RIMS2: variants seen among roughly 807,000 people sequenced by gnomAD.
The protein encoded by RIMS2 is regulating synaptic membrane exocytosis protein 2.
RIMS2 carries 59 observed loss-of-function variants against 174.4 expected under a neutral mutation model. The observed-to-expected ratio is 0.34, with a 90% confidence interval of 0.27 to 0.42. The LOEUF (loss-of-function observed/expected upper bound fraction) is 0.42, where lower values mean the gene tolerates loss of function less well. Ranked by LOEUF, RIMS2 falls within the 10% of genes least tolerant of loss-of-function variation. The pLI is 1.00. For missense variants in RIMS2, 1,620 were observed against 1,666.3 expected, an observed-to-expected ratio of 0.97 and a Z score of 0.48; for synonymous variants, 606 against 572.5, an observed-to-expected ratio of 1.06 and a Z score of -0.84.
chr8:103,766,831 G>A (rs1036192665), intron 3 of RIMS2, among the ~76,000 whole-genome samples: 2 of 152,202 alleles, frequency 1.3e-5, no homozygotes, highest in Middle Eastern at 3.2e-3. Context: ...ACTAGCATTG[G>A]ACTAATGGGA....
intron 10 of RIMS2, among the ~76,000 whole-genome samples, chr8:103,926,463 C>G (rs2078796649): frequency 1.3e-5 from 2 of 151,128 alleles, no homozygotes. Context: ...GAGACAGAGA[C>G]AGAGAGAGAG....
chr8:104,249,436 C>G (rs370425578), intron 21 of RIMS2, 51 bp from the exon 28 acceptor site: 2 of 930,168 alleles, frequency 2.2e-6, no homozygotes, highest in Non-Finnish European at 3.5e-6. Context: ...CTCTATTTTC[C>G]TTAGTGCATT....
intron 19 of RIMS2, among the ~76,000 whole-genome samples, chr8:104,129,315 T>G (rs995859900): frequency 1.3e-5 from 2 of 151,328 alleles, no homozygotes; most frequent in African/African-American, 4.9e-5. Flanking sequence ...AGCAAAGGAG[T>G]TTGAGGTTAC....
chr8:104,097,465 A>T (rs930829585), intron 19 of RIMS2, among the ~76,000 whole-genome samples: 1 of 152,204 alleles, frequency 6.6e-6, no homozygotes, highest in Non-Finnish European at 1.5e-5. Context: ...CCCAACCAGT[A>T]GTCACTTTCT....
chr8:103,910,074 C>T lies in RIMS2; in HGVS notation c.1625-60C>T, dbSNP rs2154526969. On this transcript the variant is annotated intron_variant, in intron 4 of 23. Coordinates refer to ENST00000504942, the Ensembl canonical transcript of RIMS2. ...ACACAGTTTAAAATGTTTATAATGT[C>T]TCTGTCTGTCCCTTTTTTCACCATC... is the stretch of plus-strand genomic sequence containing the variant. The T allele has an allele frequency of 8.0e-6, 8 of 1,003,484 alleles. No individual in the cohort carries two copies. In the South Asian group the frequency reaches 9.7e-5, roughly 12 times the overall value. The allele number at this position is 1,003,484 out of a possible 1,614,324, so 62.2% of individuals were successfully genotyped here.
chr8:103,656,435 G>A (rs893924618), intron 1 of RIMS2, among the ~76,000 whole-genome samples: 1 of 152,092 alleles, frequency 6.6e-6, no homozygotes, highest in Non-Finnish European at 1.5e-5. Context: ...ATAAAGAGCA[G>A]ACACAAAGAT....
intron 3 of RIMS2, among the ~76,000 whole-genome samples, chr8:103,798,915 C>CTT (rs376864472): frequency 1.5e-4 from 20 of 134,796 alleles, no homozygotes; most frequent in African/African-American, 2.5e-4. Flanking sequence ...AGGTAGAAAA[C>CTT]TTTTTTTTTT....
At chr8:103,800,300 T>A (rs1017887412) in intron 3 of RIMS2, among the ~76,000 whole-genome samples, 1 of 152,184 alleles carries the variant, frequency 6.6e-6, no homozygotes, top group African/African-American at 2.4e-5. Flanking sequence ...TATTTTTTCT[T>A]TTCAAGTCGT....
chr8:104,196,955 T>A (rs150809385), intron 19 of RIMS2, among the ~76,000 whole-genome samples: 1 of 152,316 alleles, frequency 6.6e-6, no homozygotes, highest in East Asian at 1.9e-4. Flanking sequence ...GAAAATTTCA[T>A]GAGATATTAA....
chr8:103,625,202 T>G (rs952609842), intron 1 of RIMS2, among the ~76,000 whole-genome samples: 1 of 151,992 alleles, frequency 6.6e-6, no homozygotes, highest in African/African-American at 2.4e-5. Flanking sequence ...TTATTATACT[T>G]TAAGTTCTAG....
At chr8:104,131,458 GTTAA>G (rs934934491) in intron 19 of RIMS2, among the ~76,000 whole-genome samples, 4 of 152,082 alleles carry the variant, frequency 2.6e-5, no homozygotes, top group Non-Finnish European at 5.9e-5. Flanking sequence ...GCATGCATGT[GTTAA>G]TTAATACATT....
chr8:103,602,746 A>G (rs1195054211), intron 1 of RIMS2, among the ~76,000 whole-genome samples: 1 of 152,206 alleles, frequency 6.6e-6, no homozygotes, highest in African/African-American at 2.4e-5. Flanking sequence ...GCTACTGTGA[A>G]TAGTGCTGCA....
At chr8:103,785,906 C>T (rs1286795601) in intron 3 of RIMS2, among the ~76,000 whole-genome samples, 3 of 152,004 alleles carry the variant, frequency 2.0e-5, no homozygotes, top group African/African-American at 7.2e-5. Context: ...GTCCTGGACT[C>T]TTTTTGGTTG....
At chr8:103,913,840 A>C (rs79563975) in intron 6 of RIMS2, among the ~76,000 whole-genome samples, 4,728 of 152,208 alleles carry the variant, frequency 0.031, 119 homozygotes, top group Non-Finnish European at 0.045. Context: ...CCAAGCCACA[A>C]GGGATCTGTC....
intron 17 of RIMS2, among the ~76,000 whole-genome samples, chr8:103,992,860 T>G (rs2094817761): frequency 2.0e-5 from 3 of 152,320 alleles, no homozygotes; most frequent in South Asian, 4.1e-4. Context: ...CCACCGCTTT[T>G]TATACCATTG....
At chr8:103,563,924 A>T (rs1242409454) in intron 1 of RIMS2, among the ~76,000 whole-genome samples, 1 of 152,220 alleles carries the variant, frequency 6.6e-6, no homozygotes, top group African/African-American at 2.4e-5. Context: ...CATGAGACTT[A>T]TTCACTGTCA....
intron 1 of RIMS2, among the ~76,000 whole-genome samples, chr8:103,515,360 C>T (rs998511597): frequency 2.0e-5 from 3 of 152,108 alleles, no homozygotes; most frequent in South Asian, 2.1e-4. Context: ...TTATTAAGTT[C>T]GTTCAGATGT....
chr8:104,210,004 G>A (rs2099098438), intron 19 of RIMS2, among the ~76,000 whole-genome samples: 1 of 152,122 alleles, frequency 6.6e-6, no homozygotes, highest in African/African-American at 2.4e-5. Flanking sequence ...AAGAATGAAA[G>A]AGAAACAGAG....
At chr8:103,884,983 A>C (rs988943095) in intron 3 of RIMS2, among the ~76,000 whole-genome samples, 2 of 151,898 alleles carry the variant, frequency 1.3e-5, no homozygotes, top group African/African-American at 4.8e-5. Context: ...GGGTAGTGGA[A>C]GTGTACGTAG....
Sources: gnomAD v4.1 joint callset for allele counts (sites outside exome capture counted in the v4.1 genomes callset) on GRCh38, gnomAD v4.1.1 for gene constraint, MANE v1.5 for transcripts, NCBI Gene and HGNC (gene_info 2026-07-23, HGNC 2026-07-21) for gene names.